Variants in HS6ST3 observed in about 807,000 individuals in gnomAD.
HS6ST3 encodes the protein heparan-sulfate 6-O-sulfotransferase 3.
Under a neutral mutation model 36.7 loss-of-function variants are expected in HS6ST3, and 12 were observed. The ratio of observed to expected loss-of-function variants is 0.33; its 90% CI spans 0.21 to 0.53. HS6ST3 has a LOEUF of 0.53. HS6ST3 is among the 20% of genes least tolerant of loss of function. HS6ST3 has a pLI of 0.95. For synonymous variants in HS6ST3, 240 were observed against 257.5 expected (o/e 0.93, Z 0.65); for missense variants, 584 against 640.9 (o/e 0.91, Z 0.96).
chr13:96,739,219 TTGTGTGTGTGTGTGTGTGTGTG>T (rs3138578), intron 1 of HS6ST3, among the ~76,000 whole-genome samples: 6 of 126,334 alleles, frequency 4.7e-5, no homozygotes, highest in South Asian at 5.8e-4. Context: ...CGACATTTGC[TTGTGTGTGTGTGTGTGTGTGTG>T]TGTGTGTGTG....
In HS6ST3 at chr13:96,091,272, T is replaced by G. The variant is rs765443028; in HGVS notation, c.410T>G (p.Phe137Cys). ...TTCAGCCTGAAGGACCTGACCCGCT[T>G]CGTGGATTTCAACATCAAAGGGCGC... ...FNFSLKDLTR[F>C]VDFNIKGRDV... Residue 137 changes from phenylalanine (F) to cysteine (C), a missense_variant, in exon 1 of 2, where the codon TTC becomes TGC. Physicochemically the swap from Phe to Cys is radical, Grantham distance 205. Around this residue, in one of 3 missense-constraint regions of HS6ST3, gnomAD observed 217 missense variants for 205.4 expected, o/e 1.06. Transcript: ENST00000376705. The G allele has an allele frequency of 2.5e-6, 4 of 1,612,248 alleles. No homozygotes were observed. The highest frequency in any genetic ancestry group is 2.5e-6 in the Non-Finnish European group (3 of 1,179,296).
chr13:96,632,399 C>T (rs560164462), intron 1 of HS6ST3, among the ~76,000 whole-genome samples: 88 of 152,164 alleles, frequency 5.8e-4, no homozygotes, highest in Admixed American at 1.7e-3. Context: ...CTGACTAACA[C>T]AGGACCTAAT....
intron 1 of HS6ST3, among the ~76,000 whole-genome samples, chr13:96,640,267 G>A (rs1003369284): frequency 9.2e-5 from 14 of 151,932 alleles, no homozygotes; most frequent in Non-Finnish European, 2.1e-4. Context: ...ATTCTGATTG[G>A]TGTGAGATAG....
At chr13:96,536,635 G>A (rs34520122) in intron 1 of HS6ST3, among the ~76,000 whole-genome samples, 24 of 152,116 alleles carry the variant, frequency 1.6e-4, no homozygotes, top group Non-Finnish European at 2.6e-4. Flanking sequence ...TGTGATACTG[G>A]CTTTAGTTGG....
chr13:96,655,100 C>G (rs1594828496), intron 1 of HS6ST3, among the ~76,000 whole-genome samples: 1 of 152,016 alleles, frequency 6.6e-6, no homozygotes, highest in Non-Finnish European at 1.5e-5. Flanking sequence ...TCACCTGAGC[C>G]CTTAGGGCAT....
chr13:96,366,371 G>T (rs559899568), intron 1 of HS6ST3, among the ~76,000 whole-genome samples: 95 of 152,108 alleles, frequency 6.2e-4, no homozygotes, highest in Non-Finnish European at 5.9e-5. Flanking sequence ...TACTTGGGAC[G>T]CTGAGGCAGG....
chr13:96,785,450 A>G (rs1009619236), intron 1 of HS6ST3, among the ~76,000 whole-genome samples: 10 of 152,224 alleles, frequency 6.6e-5, no homozygotes, highest in African/African-American at 2.2e-4. Context: ...AATTGGTTCA[A>G]CCTGATTCTA....
chr13:96,668,623 G>C (rs2056672211), intron 1 of HS6ST3, among the ~76,000 whole-genome samples: 1 of 145,136 alleles, frequency 6.9e-6, no homozygotes, highest in African/African-American at 2.5e-5. Flanking sequence ...ATTCACTGCT[G>C]TGTCACCCTG....
intron 1 of HS6ST3, among the ~76,000 whole-genome samples, chr13:96,755,800 A>T (rs1410246325): frequency 1.3e-5 from 2 of 152,204 alleles, no homozygotes; most frequent in Non-Finnish European, 2.9e-5. Context: ...TGCTCTGAAC[A>T]TTGATGTATG....
At chr13:96,419,788 C>T (rs893826298) in intron 1 of HS6ST3, among the ~76,000 whole-genome samples, 1 of 152,130 alleles carries the variant, frequency 6.6e-6, no homozygotes, top group Non-Finnish European at 1.5e-5. Flanking sequence ...CTGCCTCCAT[C>T]ACGCATAGTC....
intron 1 of HS6ST3, among the ~76,000 whole-genome samples, chr13:96,322,961 C>G (rs1040140769): frequency 1.3e-5 from 2 of 152,156 alleles, no homozygotes; most frequent in African/African-American, 4.8e-5. Context: ...TGGTGTGCCT[C>G]CTACCTCACA....
intron 1 of HS6ST3, among the ~76,000 whole-genome samples, chr13:96,619,830 C>A (rs545981798): frequency 3.3e-5 from 5 of 152,106 alleles, no homozygotes; most frequent in South Asian, 4.1e-4. Flanking sequence ...TTACAGCTTC[C>A]TTTTTGGGTA....
At chr13:96,468,039 T>C (rs2055822852) in intron 1 of HS6ST3, among the ~76,000 whole-genome samples, 1 of 152,150 alleles carries the variant, frequency 6.6e-6, no homozygotes, top group African/African-American at 2.4e-5. Context: ...GGGGGAAGTA[T>C]TCAGTCCTAC....
At chr13:96,581,530 CT>C (rs1189363497) in intron 1 of HS6ST3, among the ~76,000 whole-genome samples, 1 of 152,030 alleles carries the variant, frequency 6.6e-6, no homozygotes, top group African/African-American at 2.4e-5. Context: ...CCAACAACTA[CT>C]TTTTGAGTCC....
At chr13:96,498,458 G>T (rs2055988049) in intron 1 of HS6ST3, among the ~76,000 whole-genome samples, 1 of 152,060 alleles carries the variant, frequency 6.6e-6, no homozygotes, top group Admixed American at 6.5e-5. Context: ...TCTTTAGGAT[G>T]GCTCCTTGTC....
chr13:96,415,224 A>G (rs1426043643), intron 1 of HS6ST3, among the ~76,000 whole-genome samples: 1 of 152,166 alleles, frequency 6.6e-6, no homozygotes, highest in Non-Finnish European at 1.5e-5. Context: ...GTCTGGGAAC[A>G]TGATGTTCTG....
At chr13:96,746,596 C>T (rs1328519047) in intron 1 of HS6ST3, among the ~76,000 whole-genome samples, 1 of 151,992 alleles carries the variant, frequency 6.6e-6, no homozygotes, top group African/African-American at 2.4e-5. Flanking sequence ...ATTTTGACTT[C>T]TATATTGGTC....
intron 1 of HS6ST3, among the ~76,000 whole-genome samples, chr13:96,700,014 A>C (rs923017012): frequency 1.3e-5 from 2 of 152,196 alleles, no homozygotes; most frequent in African/African-American, 4.8e-5. Context: ...TCTTGGTGAC[A>C]ATAGCTTTCC....
chr13:96,139,108 A>G (rs990134701), intron 1 of HS6ST3, among the ~76,000 whole-genome samples: 1 of 152,166 alleles, frequency 6.6e-6, no homozygotes, highest in Non-Finnish European at 1.5e-5. Context: ...TCACTTGAAG[A>G]TTTCAGCTGT....
Sources: gnomAD v4.1 joint callset for allele counts (sites outside exome capture counted in the v4.1 genomes callset) on GRCh38, gnomAD v4.1.1 for gene constraint, gnomAD v4.1.1 regional missense constraint, MANE v1.5 for transcripts, NCBI Gene and HGNC (gene_info 2026-07-23, HGNC 2026-07-21) for gene names.